WWOX: variants seen among roughly 807,000 people sequenced by gnomAD.
WWOX encodes WW domain containing oxidoreductase, also known as WW domain-containing oxidoreductase.
In WWOX, 69 loss-of-function variants were observed where a neutral mutation model predicts 46.2. The ratio of observed to expected loss-of-function variants is 1.49; its 90% confidence interval spans 1.23 to 1.82. The LOEUF is 1.82. WWOX is among the 40% of genes most tolerant of loss of function. The pLI is 0.00. For synonymous variants in WWOX, 359 were observed against 202.6 expected (o/e 1.77, Z -6.56); for missense variants, 919 against 542.6 (o/e 1.69, Z -6.89).
chr16:78,703,968 C>T (rs1250576239), intron 8 of WWOX, among the ~76,000 whole-genome samples: 2 of 151,996 alleles, frequency 1.3e-5, no homozygotes, highest in Non-Finnish European at 1.5e-5. Flanking sequence ...TCATTTTAAC[C>T]ATTTCTCAGT....
intron 8 of WWOX, chr16:78,895,563 T>G (rs970189877): frequency 6.6e-6 from 1 of 152,228 alleles, no homozygotes; most frequent in African/African-American, 2.4e-5. Context: ...CAAAGATCTA[T>G]TCTCCTTTAG....
At chr16:79,012,751 T>G (rs1268798138) in intron 8 of WWOX, among the ~76,000 whole-genome samples, 1 of 152,202 alleles carries the variant, frequency 6.6e-6, no homozygotes, top group Non-Finnish European at 1.5e-5. Context: ...CCTCCCCTGG[T>G]GGCCAGCCAG....
intron 8 of WWOX, among the ~76,000 whole-genome samples, chr16:78,745,464 C>G (rs906342125): frequency 6.6e-6 from 1 of 151,522 alleles, no homozygotes; most frequent in African/African-American, 2.4e-5. Context: ...GTCAGAAGGA[C>G]CCTATTTTAA....
chr16:79,142,205 G>A (rs1447885639), intron 8 of WWOX, among the ~76,000 whole-genome samples: 1 of 152,188 alleles, frequency 6.6e-6, no homozygotes, highest in Non-Finnish European at 1.5e-5. Flanking sequence ...AAGCAGACAT[G>A]GCCATAGTGA....
chr16:78,289,644 T>C (rs1597447523), intron 5 of WWOX, among the ~76,000 whole-genome samples: 1 of 152,172 alleles, frequency 6.6e-6, no homozygotes, highest in East Asian at 1.9e-4. Context: ...AAGGGAAGAA[T>C]AAGAGACCTA....
At chr16:78,787,018 G>A (rs898540529) in intron 8 of WWOX, among the ~76,000 whole-genome samples, 2 of 152,050 alleles carry the variant, frequency 1.3e-5, no homozygotes, top group African/African-American at 4.8e-5. Context: ...TGTGGTGCTG[G>A]GTGCCTGTAA....
chr16:78,784,359 T>G (rs1260533882), intron 8 of WWOX, among the ~76,000 whole-genome samples: 4 of 152,088 alleles, frequency 2.6e-5, no homozygotes, highest in Non-Finnish European at 5.9e-5. Flanking sequence ...GTCTCCTCAT[T>G]GTATCTGAAG....
intron 8 of WWOX, among the ~76,000 whole-genome samples, chr16:79,107,756 A>G (rs2049339245): frequency 6.6e-6 from 1 of 152,238 alleles, no homozygotes; most frequent in Non-Finnish European, 1.5e-5. Context: ...TCTCCCAAGG[A>G]AATCATTAGG....
At chr16:78,873,370 T>G (rs531994920) in intron 8 of WWOX, 1 of 152,232 alleles carries the variant, frequency 6.6e-6, no homozygotes, top group Non-Finnish European at 1.5e-5. Flanking sequence ...GACTATCTCC[T>G]TATGCTGATT....
chr16:79,162,981 T>TAA (rs1042232062), intron 8 of WWOX, among the ~76,000 whole-genome samples: 1 of 152,224 alleles, frequency 6.6e-6, no homozygotes, highest in Non-Finnish European at 1.5e-5. Flanking sequence ...TGGATAGATT[T>TAA]AGTTATTGCT....
chr16:78,125,635 G>T (rs1330806371), intron 4 of WWOX, among the ~76,000 whole-genome samples: 1 of 152,150 alleles, frequency 6.6e-6, no homozygotes, highest in African/African-American at 2.4e-5. Context: ...GCTGAGGCAG[G>T]AGGATTGCTT....
chr16:78,712,244 C>G (rs2048459384), intron 8 of WWOX, among the ~76,000 whole-genome samples: 1 of 152,124 alleles, frequency 6.6e-6, no homozygotes, highest in African/African-American at 2.4e-5. Context: ...TGGCTCACAC[C>G]TGTAATCCCA....
At chr16:78,714,110 A>G (rs952932666) in intron 8 of WWOX, among the ~76,000 whole-genome samples, 1 of 152,174 alleles carries the variant, frequency 6.6e-6, no homozygotes, top group African/African-American at 2.4e-5. Flanking sequence ...CCCTTCTAGA[A>G]TAAGTCCGTC....
intron 5 of WWOX, among the ~76,000 whole-genome samples, chr16:78,225,720 A>T (rs1487195422): frequency 6.6e-6 from 1 of 152,214 alleles, no homozygotes; most frequent in Non-Finnish European, 1.5e-5. Flanking sequence ...CCCAGGAAAT[A>T]TACCTGGGCT....
chr16:78,478,800 G>GT (rs929623778), intron 8 of WWOX, among the ~76,000 whole-genome samples: 2 of 152,116 alleles, frequency 1.3e-5, no homozygotes, highest in Non-Finnish European at 2.9e-5. Flanking sequence ...GGTGGTGAGG[G>GT]TTTTTTAAAT....
intron 8 of WWOX, among the ~76,000 whole-genome samples, chr16:78,643,931 C>G (rs565627111): frequency 6.6e-6 from 1 of 151,772 alleles, no homozygotes; most frequent in East Asian, 1.9e-4. Flanking sequence ...AAACAAACAA[C>G]AAAAAACACA....
At chr16:78,907,531 A>C (rs1486981272) in intron 8 of WWOX, among the ~76,000 whole-genome samples, 1 of 152,108 alleles carries the variant, frequency 6.6e-6, no homozygotes, top group Non-Finnish European at 1.5e-5. Context: ...ATTAAGTACT[A>C]AATATCCCCC....
chr16:78,781,945 T>G (rs558188284), intron 8 of WWOX, among the ~76,000 whole-genome samples: 5 of 152,156 alleles, frequency 3.3e-5, no homozygotes, highest in Non-Finnish European at 5.9e-5. Flanking sequence ...ATAACATTAT[T>G]CTCTTCATTC....
intron 8 of WWOX, among the ~76,000 whole-genome samples, chr16:78,620,554 T>C (rs1029048899): frequency 6.6e-6 from 1 of 152,176 alleles, no homozygotes; most frequent in African/African-American, 2.4e-5. Flanking sequence ...GTGGGACAGT[T>C]TTATGTCCTC....
Sources: gnomAD v4.1 joint callset for allele counts (sites outside exome capture counted in the v4.1 genomes callset) on GRCh38, gnomAD v4.1.1 for gene constraint, MANE v1.5 for transcripts, NCBI Gene and HGNC (gene_info 2026-07-23, HGNC 2026-07-21) for gene names.